Variants in TJP2 observed in about 807,000 individuals in gnomAD.
The protein encoded by TJP2 is Friedreich ataxia region gene X104 (tight junction protein ZO-2).
A neutral mutation model predicts 133.1 loss-of-function variants in TJP2; 91 were observed. The ratio of observed to expected loss-of-function variants is 0.68; its 90% CI spans 0.58 to 0.81. TJP2 has a LOEUF of 0.81. Among genes scored for constraint, TJP2 ranks in the 40% least tolerant of loss-of-function variants. The pLI is 0.00. For synonymous variants in TJP2, 592 were observed against 583.4 expected (o/e 1.01, Z -0.21); for missense variants, 1,541 against 1,565.6 (o/e 0.98, Z 0.26).
rs41316486 is a variant in TJP2 at position 69,236,355 on chromosome 9, C to T, written c.1991+117C>T. ...CACATGATGAGTTCATTACTTGTCACCATCTATTTCTTGTTTATGGAGAGT... is the reference window on the plus strand; with the variant it reads ...CACATGATGAGTTCATTACTTGTCATCATCTATTTCTTGTTTATGGAGAGT... On this transcript the variant is annotated intron_variant, in intron 13 of 22. Transcript: ENST00000377245. The T allele has an allele frequency of 0.062, 62,463 of 1,004,094 alleles. 2,170 individuals are homozygous for T. The highest frequency in any genetic ancestry group is 0.1 in the African/African-American group (6,448 of 62,224). 62.2% of individuals were successfully genotyped at this position (1,004,094 alleles called of 1,614,324 possible). A position where few individuals can be genotyped will look rare whatever the true frequency, so the allele number is the denominator to read the frequency against.
chr9:69,209,106 C>T (rs1388503600), intron 1 of TJP2, among the ~76,000 whole-genome samples: 1 of 152,112 alleles, frequency 6.6e-6, no homozygotes, highest in Non-Finnish European at 1.5e-5. Context: ...TTCTGACTTA[C>T]TGCAGGAGTT....
chr9:69,143,594 T>G (rs964165177), intron 1 of TJP2, among the ~76,000 whole-genome samples: 6 of 152,202 alleles, frequency 3.9e-5, no homozygotes, highest in South Asian at 2.1e-4. Flanking sequence ...GGGAGTAATA[T>G]TCATGAATAC....
At chr9:69,152,126 A>G (rs1460658930) in intron 2 of TJP2, among the ~76,000 whole-genome samples, 1 of 152,152 alleles carries the variant, frequency 6.6e-6, no homozygotes, top group Non-Finnish European at 1.5e-5. Flanking sequence ...TTAATAGGTT[A>G]TATTTTTTCA....
intron 21 of TJP2, among the ~76,000 whole-genome samples, chr9:69,252,377 AC>A (rs1055050695): frequency 3.3e-5 from 5 of 151,594 alleles, no homozygotes; most frequent in Non-Finnish European, 5.9e-5. Flanking sequence ...CATCCCCAAA[AC>A]TTTTTTATCC....
intron 1 of TJP2, among the ~76,000 whole-genome samples, chr9:69,196,442 C>T (rs771562947): frequency 1.3e-5 from 2 of 152,134 alleles, no homozygotes; most frequent in Non-Finnish European, 2.9e-5. Context: ...ATTAAATTCT[C>T]ACAACAACCT....
At chr9:69,225,430 C>T (rs1430039509) in intron 6 of TJP2, 23 bp downstream of exon 6, 4 of 1,505,068 alleles carry the variant, frequency 2.7e-6, no homozygotes, top group Admixed American at 1.7e-5. Flanking sequence ...GGGCAGAGAA[C>T]GGTAGTGTGC....
At chr9:69,231,077 T>G (rs1829739192) in intron 11 of TJP2, among the ~76,000 whole-genome samples, 1 of 152,022 alleles carries the variant, frequency 6.6e-6, no homozygotes, top group Admixed American at 6.6e-5. Context: ...AGTATCTCCT[T>G]ACAATAAAAA....
chr9:69,226,935 A>T (rs1357736346), intron 7 of TJP2, among the ~76,000 whole-genome samples: 2 of 152,318 alleles, frequency 1.3e-5, no homozygotes, highest in South Asian at 4.1e-4. Context: ...AGTCTGCATC[A>T]CCTCTTCCCT....
chr9:69,142,026 C>G (rs12001394), intron 1 of TJP2, among the ~76,000 whole-genome samples: 2,685 of 152,280 alleles, frequency 0.018, 80 homozygotes, highest in African/African-American at 0.061. Flanking sequence ...CAAACCAAGT[C>G]TTTCCCCTGT....
intron 1 of TJP2, among the ~76,000 whole-genome samples, chr9:69,209,215 C>T (rs959297710): frequency 6.6e-6 from 1 of 152,146 alleles, no homozygotes; most frequent in Non-Finnish European, 1.5e-5. Flanking sequence ...TCATTGCAAC[C>T]TCCACCTCCC....
At chr9:69,219,128 CCTGT>C (rs1261233168) in intron 4 of TJP2, among the ~76,000 whole-genome samples, 1 of 152,112 alleles carries the variant, frequency 6.6e-6, no homozygotes, top group Non-Finnish European at 1.5e-5. Flanking sequence ...CACCACCACA[CCTGT>C]CTAATTTTGT....
chr9:69,235,546 T>A (rs1830123150), intron 12 of TJP2, among the ~76,000 whole-genome samples: 1 of 152,008 alleles, frequency 6.6e-6, no homozygotes, highest in Non-Finnish European at 1.5e-5. Flanking sequence ...ATGGTCTCGA[T>A]CTCCTGACCT....
chr9:69,210,298 C>T (rs59023712), intron 1 of TJP2, among the ~76,000 whole-genome samples: 1 of 25,718 alleles, frequency 3.9e-5, no homozygotes, highest in Non-Finnish European at 8.5e-5. Flanking sequence ...CCCCCCCCCC[C>T]CAAAAAAAAA....
At chr9:69,217,750 T>A (rs1320074163) in intron 3 of TJP2, among the ~76,000 whole-genome samples, 1 of 152,194 alleles carries the variant, frequency 6.6e-6, no homozygotes, top group Non-Finnish European at 1.5e-5. Context: ...GTCTTTCATA[T>A]GGAGAAATGC....
chr9:69,233,537 C>T (rs1217747528), intron 11 of TJP2, among the ~76,000 whole-genome samples: 1 of 152,158 alleles, frequency 6.6e-6, no homozygotes, highest in East Asian at 1.9e-4. Flanking sequence ...CTTTGGGAGG[C>T]CTAGGTGGGC....
Position 69,228,129 on chromosome 9 carries a change from C to T in TJP2, c.1453+15C>T. The T allele has an allele frequency of 6.3e-7, 1 of 1,592,362 alleles. No individual in the cohort carries two copies. The highest frequency in any genetic ancestry group is 8.6e-7 in the Non-Finnish European group (1 of 1,168,954). On this transcript the variant is annotated intron_variant, in intron 9 of 22. Coordinates refer to ENST00000377245, the MANE Select transcript of TJP2 (RefSeq NM_004817.4). The stretch of plus-strand genomic sequence containing the variant: ...GGACCCCCCAGGTGAGCCATTAAGA[C>T]CACTCAGTTTCAACAGTTGTGTTCA...
At chr9:69,164,478 A>T (rs779403515) in intron 2 of TJP2, among the ~76,000 whole-genome samples, 31 of 152,072 alleles carry the variant, frequency 2.0e-4, no homozygotes, top group Non-Finnish European at 4.0e-4. Flanking sequence ...TTCTTAAAGT[A>T]TTTTGGGGGT....
In TJP2 at chr9:69,185,484, A is replaced by G. The variant is rs550342274; in HGVS notation, c.60+11052A>G. Among the ~76,000 whole-genome samples the G allele has an allele frequency of 2.0e-4, 30 of 152,260 alleles. No individual in the cohort carries two copies. The South Asian group carries it at 6.0e-3, about 31-fold the overall frequency. ...GAAGGGCCTTCCAGATTCTGTATCT[A>G]TTGCTCTGTGATTCTAGGTACTTTT... On this transcript the variant is annotated intron_variant, in intron 1 of 22. Transcript: ENST00000377245.
At chr9:69,226,388 C>T (rs1312248092) in intron 7 of TJP2, among the ~76,000 whole-genome samples, 3 of 152,134 alleles carry the variant, frequency 2.0e-5, no homozygotes, top group Non-Finnish European at 4.4e-5. Flanking sequence ...GGTGCATTTG[C>T]GAACTCTCAG....
Sources: gnomAD v4.1 joint callset for allele counts (sites outside exome capture counted in the v4.1 genomes callset) on GRCh38, gnomAD v4.1.1 for gene constraint, MANE v1.5 for transcripts, NCBI Gene and HGNC (gene_info 2026-07-23, HGNC 2026-07-21) for gene names.